SNX16: variants seen among roughly 807,000 people sequenced by gnomAD.
SNX16 encodes sorting nexin 16, also known as sorting nexin-16.
Under a neutral mutation model 36.7 loss-of-function variants are expected in SNX16, and 35 were observed. That is an observed-to-expected ratio of 0.95 (90% CI 0.73 to 1.27). The LOEUF is 1.27. SNX16 is among the 50% of genes most tolerant of loss of function. The pLI is 0.00. For synonymous variants in SNX16, 134 were observed against 132.0 expected (o/e 1.02, Z -0.10); for missense variants, 367 against 393.6 (o/e 0.93, Z 0.57).
intron 1 of SNX16, 108 bp from the exon 2 acceptor site, chr8:81,840,190 A>C: frequency 1.8e-6 from 1 of 554,498 alleles, no homozygotes. Context: ...TTTGGAATGA[A>C]AACATACCTC....
In SNX16 at chr8:81,840,072, G is replaced by A. The variant is rs1586029393; in HGVS notation, c.-86C>T. 3 of 1,420,548 alleles carry A rather than the reference G, an allele frequency of 2.1e-6. No individual in the cohort carries two copies. Among genetic ancestry groups the A allele is most frequent in the Non-Finnish European group, 2.8e-6 (3 of 1,062,782 alleles). 88.0% of individuals were successfully genotyped at this position (1,420,548 alleles called of 1,614,324 possible). A position where few individuals can be genotyped will look rare whatever the true frequency, so the allele number is the denominator to read the frequency against. On this transcript the variant is annotated 5_prime_UTR_variant, in exon 2 of 8. Transcript: ENST00000345957. ...ATGCAATCCATTATTTTCTTCTTAG[G>A]AATTCACTATCTAAAAATGAAAAGG...
chr8:81,801,673 A>G (rs1056283702), intron 7 of SNX16, 80 bp from the exon 8 acceptor site: 10 of 795,956 alleles, frequency 1.3e-5, no homozygotes, highest in East Asian at 8.0e-5. Flanking sequence ...TATTACCTTT[A>G]AAAATCTTCT....
intron 3 of SNX16, among the ~76,000 whole-genome samples, chr8:81,825,551 C>T (rs12677458): frequency 0.089 from 13,608 of 152,226 alleles, 700 homozygotes; most frequent in East Asian, 0.18. Context: ...CATTTTACTA[C>T]ACTACAATTA....
chr8:81,837,664 A>G (rs1184977808), intron 2 of SNX16, among the ~76,000 whole-genome samples: 1 of 152,148 alleles, frequency 6.6e-6, no homozygotes, highest in Non-Finnish European at 1.5e-5. Context: ...CCCATGACCT[A>G]CTGGCTTCCA....
At position 81,837,708 on chromosome 8, in the gene SNX16, GT is replaced by G. The variant is rs541210328; in HGVS notation, c.375+1903del. ...ATCTCTTAATACCATCACCTTGAAG[GT>G]TAGGTTTCAACATATGAATTTTGAA... On this transcript the variant is annotated intron_variant, in intron 2 of 7. Transcript: ENST00000345957. 2.0e-3 allele frequency among the ~76,000 whole-genome samples: 299 copies of G among 152,260 alleles called. 1 individual carries two copies. The highest frequency in any genetic ancestry group is 3.1e-3 in the Non-Finnish European group (214 of 68,014).
At chr8:81,822,962 A>ATATGTATATG (rs1554546274) in intron 4 of SNX16, among the ~76,000 whole-genome samples, 24 of 111,180 alleles carry the variant, frequency 2.2e-4, no homozygotes, top group Admixed American at 2.1e-3. Flanking sequence ...ATATATATAT[A>ATATGTATATG]TATATATATA....
chr8:81,832,481 G>A (rs1342585386), intron 2 of SNX16, among the ~76,000 whole-genome samples: 3 of 151,950 alleles, frequency 2.0e-5, no homozygotes, highest in Non-Finnish European at 2.9e-5. Context: ...TTGGGTGATG[G>A]GTTCATTAGT....
chr8:81,808,439 G>T (rs562609285), intron 5 of SNX16: 159 of 1,095,334 alleles, frequency 1.5e-4, no homozygotes, highest in Middle Eastern at 2.9e-4. Context: ...GAAACTTCAG[G>T]GGTCATGGTG....
In SNX16 at chr8:81,823,904, G is replaced by A; in HGVS notation, c.499C>T (p.Pro167Ser). Reference sequence around the variant, plus strand: ...TTATCTTTAAACCAGCGTTTTGGAGGAAGTGCTAGTCGAAAACCTGGAAAC... The same window carrying A: ...TTATCTTTAAACCAGCGTTTTGGAGAAAGTGCTAGTCGAAAACCTGGAAAC... ...EMFPGFRLAL[P>S]PKRWFKDNYN... Residue 167 changes from proline (P) to serine (S), a missense_variant, in exon 4 of 8, where the codon CCT (proline) becomes TCT (serine). Physicochemically the swap from Pro to Ser is moderately conservative, Grantham distance 74. Transcript: ENST00000345957. 1 of 1,611,440 alleles carries A rather than the reference G, an allele frequency of 6.2e-7. No individual in the cohort carries two copies. The highest frequency in any genetic ancestry group is 8.5e-7 in the Non-Finnish European group (1 of 1,178,866).
intron 4 of SNX16, among the ~76,000 whole-genome samples, chr8:81,819,907 C>T (rs1471228128): frequency 2.0e-5 from 3 of 151,974 alleles, no homozygotes; most frequent in African/African-American, 7.2e-5. Flanking sequence ...TTAAGGGCTG[C>T]CCATTGTGTA....
chr8:81,808,279 A>C lies in SNX16; in HGVS notation c.682-5051T>G, dbSNP rs1008307423. ...GACGGTCATTCAGAAACACTATACC[A>C]TGAATGGCCACAACTGTGAAGTTAG... On this transcript the variant is annotated intron_variant, in intron 5 of 7. Coordinates refer to ENST00000345957, the MANE Select transcript of SNX16 (RefSeq NM_152836.3). 1.5e-5 allele frequency: 17 copies of C among 1,147,210 alleles called. No individual in the cohort carries two copies. The African/African-American group carries it at 2.3e-4, about 15-fold the overall frequency. The allele number at this position is 1,147,210 out of a possible 1,614,324, so 71.1% of individuals were successfully genotyped here.
At chr8:81,834,201 C>G (rs10110803) in intron 2 of SNX16, among the ~76,000 whole-genome samples, 90,786 of 151,984 alleles carry the variant, frequency 0.6, 27,816 homozygotes, top group East Asian at 0.98. Context: ...TGTGCAAGGA[C>G]ATTCCCATTT....
chr8:81,809,702 G>C (rs1036667086), intron 5 of SNX16, among the ~76,000 whole-genome samples: 13 of 152,176 alleles, frequency 8.5e-5, no homozygotes, highest in African/African-American at 1.7e-4. Context: ...TGGTGATATA[G>C]AGCAAAAGGA....
At chr8:81,836,675 C>T (rs1025224559) in intron 2 of SNX16, among the ~76,000 whole-genome samples, 1 of 152,166 alleles carries the variant, frequency 6.6e-6, no homozygotes, top group African/African-American at 2.4e-5. Context: ...TCCACCACCC[C>T]AGTCCACACT....
chr8:81,834,453 A>C (rs1272277700), intron 2 of SNX16, among the ~76,000 whole-genome samples: 2 of 152,144 alleles, frequency 1.3e-5, no homozygotes, highest in Non-Finnish European at 2.9e-5. Flanking sequence ...GACTTAACTC[A>C]TTTCAGCATT....
intron 2 of SNX16, among the ~76,000 whole-genome samples, chr8:81,830,524 T>C (rs1459621989): frequency 6.8e-6 from 1 of 146,286 alleles, no homozygotes; most frequent in African/African-American, 2.5e-5. Flanking sequence ...TGAGCTGACA[T>C]TGCACCACTG....
At chr8:81,820,499 T>C (rs983209638) in intron 4 of SNX16, among the ~76,000 whole-genome samples, 1 of 152,092 alleles carries the variant, frequency 6.6e-6, no homozygotes, top group Non-Finnish European at 1.5e-5. Flanking sequence ...GATGACAAGA[T>C]ATAATCTCAA....
In SNX16 at chr8:81,835,246, T is replaced by C. The variant is rs530294545; in HGVS notation, c.375+4366A>G. On this transcript the variant is annotated intron_variant, in intron 2 of 7. Transcript: ENST00000345957. ...GGGCACCAAGCCTCTAGGCTGCACATAGCACAGGGACCCTGGGCCCAGTCC... is the reference window on the plus strand; with the variant it reads ...GGGCACCAAGCCTCTAGGCTGCACACAGCACAGGGACCCTGGGCCCAGTCC... Among the ~76,000 whole-genome samples the C allele has an allele frequency of 2.6e-5, 4 of 152,284 alleles. No individual in the cohort carries two copies. The East Asian group carries it at 7.7e-4, about 29-fold the overall frequency.
intron 7 of SNX16, among the ~76,000 whole-genome samples, chr8:81,801,995 G>C (rs1295650568): frequency 6.6e-6 from 1 of 151,442 alleles, no homozygotes; most frequent in Non-Finnish European, 1.5e-5. Flanking sequence ...TTCCTATTAG[G>C]TAAGAAGGGT....
Sources: gnomAD v4.1 joint callset for allele counts (sites outside exome capture counted in the v4.1 genomes callset) on GRCh38, gnomAD v4.1.1 for gene constraint, MANE v1.5 for transcripts, NCBI Gene and HGNC (gene_info 2026-07-23, HGNC 2026-07-21) for gene names.